ATP13A5: variants seen among roughly 807,000 people sequenced by gnomAD.
ATP13A5 encodes the protein probable cation-transporting ATPase 13A5.
A neutral mutation model predicts 150.2 loss-of-function variants in ATP13A5; 149 were observed. That is an observed-to-expected ratio of 0.99 (90% CI 0.87 to 1.14). The LOEUF is 1.14. ATP13A5 is among the 50% of genes most tolerant of loss of function. The pLI is 0.00. For missense variants in ATP13A5, 1,383 were observed against 1,449.3 expected (o/e 0.95, Z 0.74); for synonymous variants, 497 against 522.2 (o/e 0.95, Z 0.66).
rs145627710 is a variant in ATP13A5, at chr3:193,334,851, T to C, written c.1114+78A>G. 1.8e-5 allele frequency: 25 copies of C among 1,409,424 alleles called. No individual in the cohort carries two copies. In the African/African-American group the frequency reaches 2.4e-4, roughly 14 times the overall value. The allele number at this position is 1,409,424 out of a possible 1,614,324, so 87.3% of individuals were successfully genotyped here. On this transcript the variant is annotated intron_variant, in intron 10 of 29. Coordinates refer to ENST00000342358, the MANE Select transcript of ATP13A5 (RefSeq NM_198505.4). ...TACCAGAATGTGGCAGACTCCATAA[T>C]CCTAAACTAAATTTCCCTAATCCAA...
chr3:193,314,658 A>G (rs1210677963), intron 18 of ATP13A5, among the ~76,000 whole-genome samples: 2 of 152,158 alleles, frequency 1.3e-5, no homozygotes, highest in Non-Finnish European at 1.5e-5. Flanking sequence ...TCCTCTATGC[A>G]GAGGGATCAC....
chr3:193,276,919 A>G (rs1717243937), intron 28 of ATP13A5, 89 bp from the exon 29 acceptor site: 1 of 999,198 alleles, frequency 1.0e-6, no homozygotes, highest in East Asian at 2.6e-5. Flanking sequence ...TAGATTTGTA[A>G]TAACTCTCTG....
At chr3:193,314,341 G>T in intron 18 of ATP13A5, 148 bp from the exon 19 acceptor site, 1 of 787,636 alleles carries the variant, frequency 1.3e-6, no homozygotes, top group Non-Finnish European at 2.0e-6. Context: ...GCTGTAGACT[G>T]CCCCTACTGG....
rs893341908 is a variant in ATP13A5 at position 193,318,921 on chromosome 3, C to T, written c.2033+70G>A. 7 of 1,054,188 alleles carry T rather than the reference C, an allele frequency of 6.6e-6. No homozygotes were observed. The African/African-American group carries it at 9.4e-5, about 14-fold the overall frequency. The allele number at this position is 1,054,188 out of a possible 1,614,324, so 65.3% of individuals were successfully genotyped here. On this transcript the variant is annotated intron_variant, in intron 17 of 29. Coordinates refer to ENST00000342358, the MANE Select transcript of ATP13A5 (RefSeq NM_198505.4). ...CTTCCAGGTGATTAGAACTGTTCAT[C>T]TGTTCATCTCCAGGACTCGCACTTC...
chr3:193,351,137 A>G lies in ATP13A5; in HGVS notation c.671T>C (p.Ile224Thr), dbSNP rs766171326. The G allele has an allele frequency of 5.0e-6, 8 of 1,613,852 alleles. No homozygotes were observed. Among genetic ancestry groups the G allele is most frequent in the East Asian group, 2.2e-5 (1 of 44,850 alleles). Residue 224 changes from isoleucine (I) to threonine (T), a missense_variant, in exon 7 of 30, where the codon ATA (isoleucine) becomes ACA (threonine). Ile to Thr is a moderately conservative substitution (Grantham distance 89). This residue lies in a region of ATP13A5 where 787 missense variants were observed against 771.9 expected (regional missense o/e 1.02). Coordinates refer to ENST00000342358, the MANE Select transcript of ATP13A5 (RefSeq NM_198505.4). The part of the protein sequence containing the change: ...TLTLWLSQGY[I>T]EYSVAIIILT... ...AATGATGATGGCCACAGAGTATTCT[A>G]TGTAACCTTGAGACAGCCACAAAGT...
chr3:193,321,208 C>T (rs1300891244), intron 16 of ATP13A5, among the ~76,000 whole-genome samples: 1 of 152,164 alleles, frequency 6.6e-6, no homozygotes, highest in Non-Finnish European at 1.5e-5. Context: ...GATATTTAGT[C>T]GCTGCCTCCC....
intron 19 of ATP13A5, 126 bp from the exon 20 acceptor site, chr3:193,312,067 A>T: frequency 8.1e-7 from 1 of 1,236,414 alleles, no homozygotes; most frequent in South Asian, 1.5e-5. Context: ...AATAATGTGT[A>T]ATTTGCCTAT....
At chr3:193,290,381 GGCC>G (rs1717904590) in intron 25 of ATP13A5, among the ~76,000 whole-genome samples, 1 of 152,108 alleles carries the variant, frequency 6.6e-6, no homozygotes, top group Non-Finnish European at 1.5e-5. Flanking sequence ...AGAGGGAAAT[GGCC>G]TTGCTCGTGG....
At chr3:193,363,178 A>T in intron 3 of ATP13A5, 58 bp downstream of exon 3, 1 of 1,531,928 alleles carries the variant, frequency 6.5e-7, no homozygotes. Context: ...TTTAATAAAC[A>T]GTTATTTTAT....
intron 25 of ATP13A5, among the ~76,000 whole-genome samples, chr3:193,291,950 G>T (rs1717970830): frequency 6.6e-6 from 1 of 152,104 alleles, no homozygotes; most frequent in South Asian, 2.1e-4. Context: ...TCTGTAAATT[G>T]TAGCAAATTG....
rs780928663 is a variant in ATP13A5 at position 193,276,768 on chromosome 3, A to G, written c.3378T>C (p.Cys1126=). 1 of 1,611,656 alleles carries G rather than the reference A, an allele frequency of 6.2e-7. No individual in the cohort carries two copies. The highest frequency in any genetic ancestry group is 1.1e-5 in the South Asian group (1 of 90,682). Residue 1126 remains cysteine (C), a synonymous_variant, in exon 29 of 30, where the codon TGT becomes TGC. Transcript: ENST00000342358. The stretch of plus-strand genomic sequence containing the variant: ...ACTTTACCTCTACAAAGAAAGCCAC[A>G]CAGAATTGGGTGAGGGCTACCACCA... ...LILVVALTQF[C]VAFFVEDSIL...
chr3:193,276,222 C>G (rs1717192863), intron 29 of ATP13A5, among the ~76,000 whole-genome samples: 1 of 152,148 alleles, frequency 6.6e-6, no homozygotes, highest in African/African-American at 2.4e-5. Flanking sequence ...CAAAAAAGAA[C>G]TCTCCTTTTA....
intron 27 of ATP13A5, among the ~76,000 whole-genome samples, chr3:193,284,112 C>T (rs1050853439): frequency 1.3e-5 from 2 of 151,582 alleles, no homozygotes; most frequent in Non-Finnish European, 2.9e-5. Context: ...CCTCGACCTC[C>T]CAGGCTCAAG....
chr3:193,366,941 A>G (rs2108582575), intron 1 of ATP13A5, among the ~76,000 whole-genome samples: 1 of 152,228 alleles, frequency 6.6e-6, no homozygotes, highest in Non-Finnish European at 1.5e-5. Flanking sequence ...ATATTTTGAA[A>G]TAACACAGGT....
chr3:193,339,627 C>T (rs1171254119), intron 9 of ATP13A5, among the ~76,000 whole-genome samples: 1 of 152,072 alleles, frequency 6.6e-6, no homozygotes, highest in Non-Finnish European at 1.5e-5. Context: ...TTCCCTATGC[C>T]ATTTTCTTTA....
intron 9 of ATP13A5, among the ~76,000 whole-genome samples, chr3:193,341,648 C>T (rs530681072): frequency 2.6e-4 from 40 of 152,270 alleles, no homozygotes; most frequent in African/African-American, 9.4e-4. Context: ...TCCCTGATGT[C>T]TTGCACATCT....
At chr3:193,347,128 C>T (rs1418115724) in intron 7 of ATP13A5, among the ~76,000 whole-genome samples, 1 of 152,106 alleles carries the variant, frequency 6.6e-6, no homozygotes, top group Admixed American at 6.6e-5. Context: ...ATTTATTTTG[C>T]ATGTCAGAGA....
chr3:193,373,076 T>C (rs1382293779), intron 1 of ATP13A5, among the ~76,000 whole-genome samples: 2 of 152,224 alleles, frequency 1.3e-5, no homozygotes, highest in African/African-American at 4.8e-5. Flanking sequence ...GACAACCTTG[T>C]GTATGTAAGA....
intron 5 of ATP13A5, 121 bp from the exon 6 acceptor site, chr3:193,354,317 A>G (rs1441326111): frequency 2.4e-6 from 2 of 846,796 alleles, no homozygotes; most frequent in South Asian, 1.8e-5. Flanking sequence ...TGATTAAAAA[A>G]TAATGTGCAA....
Sources: allele counts gnomAD v4.1 joint callset (sites outside exome capture counted in the v4.1 genomes callset), GRCh38; gene constraint gnomAD v4.1.1; regional missense constraint gnomAD v4.1.1; transcripts MANE v1.5; gene names NCBI Gene and HGNC (gene_info 2026-07-23, HGNC 2026-07-21).